Variants in SNCAIP observed in about 807,000 individuals in gnomAD.
The protein encoded by SNCAIP is synuclein alpha interacting protein.
In SNCAIP, 43 loss-of-function variants were observed where a neutral mutation model predicts 86.7. The ratio of observed to expected loss-of-function variants is 0.50; its 90% confidence interval spans 0.39 to 0.64. The LOEUF (loss-of-function observed/expected upper bound fraction) is 0.64, where lower values mean the gene tolerates loss of function less well. SNCAIP is among the 30% of genes least tolerant of loss of function. SNCAIP has a pLI of 0.00. For missense variants in SNCAIP, 981 were observed against 1,103.1 expected, an observed-to-expected ratio of 0.89 and a Z score of 1.57; for synonymous variants, 417 against 427.2, an observed-to-expected ratio of 0.98 and a Z score of 0.29.
chr5:122,407,666 G>A (rs1380128780), intron 3 of SNCAIP, among the ~76,000 whole-genome samples: 1 of 152,076 alleles, frequency 6.6e-6, no homozygotes, highest in Non-Finnish European at 1.5e-5. Context: ...TGGATAAAAG[G>A]TCTACAGCTA....
At chr5:122,396,374 G>T (rs1343687201) in intron 2 of SNCAIP, among the ~76,000 whole-genome samples, 1 of 152,122 alleles carries the variant, frequency 6.6e-6, no homozygotes, top group African/African-American at 2.4e-5. Flanking sequence ...TGCCAGAGAA[G>T]GTAGAGAATA....
chr5:122,425,714 T>C (rs2152930483), intron 5 of SNCAIP, among the ~76,000 whole-genome samples, 183 bp downstream of exon 5: 1 of 152,338 alleles, frequency 6.6e-6, no homozygotes, highest in East Asian at 1.9e-4. Flanking sequence ...TGAGACTTAA[T>C]TCCCAGTTTT....
chr5:122,408,283 G>A (rs767955142), intron 3 of SNCAIP, among the ~76,000 whole-genome samples: 40 of 152,126 alleles, frequency 2.6e-4, no homozygotes, highest in Admixed American at 1.2e-3. Flanking sequence ...AAGTAGGGCC[G>A]TCCATTCTGC....
intron 1 of SNCAIP, among the ~76,000 whole-genome samples, chr5:122,375,267 T>C (rs1255904364): frequency 6.6e-6 from 1 of 152,128 alleles, no homozygotes; most frequent in Admixed American, 6.6e-5. Flanking sequence ...AAAACCTTCA[T>C]AATAATTTGA....
At chr5:122,340,960 G>A (rs765056326) in intron 1 of SNCAIP, among the ~76,000 whole-genome samples, 2 of 152,116 alleles carry the variant, frequency 1.3e-5, no homozygotes, top group African/African-American at 4.8e-5. Flanking sequence ...CTTAAACAGG[G>A]GTTAGGCATT....
At chr5:122,403,950 C>G (rs1021899474) in intron 3 of SNCAIP, 85 bp downstream of exon 3, 3 of 989,692 alleles carry the variant, frequency 3.0e-6, no homozygotes, top group Admixed American at 1.8e-5. Context: ...CACTGGTCCC[C>G]CCTGCTTTCA....
chr5:122,364,373 C>A (rs1762762215), intron 1 of SNCAIP, among the ~76,000 whole-genome samples: 1 of 152,182 alleles, frequency 6.6e-6, no homozygotes, highest in Admixed American at 6.5e-5. Context: ...ACCCTGAATT[C>A]TTTCTTTTGC....
chr5:122,357,360 C>T (rs1488560038), intron 1 of SNCAIP, among the ~76,000 whole-genome samples: 7 of 152,068 alleles, frequency 4.6e-5, no homozygotes, highest in African/African-American at 9.6e-5. Flanking sequence ...CTCAGCCTCC[C>T]GAGTAGCTAG....
rs74790455 is a variant in SNCAIP at position 122,424,764 on chromosome 5, C to A, written c.1003-588C>A. On this transcript the variant is annotated intron_variant, in intron 4 of 10. Transcript: ENST00000261368. ...TCTTAGCTCACCCAACAATCTCTAT[C>A]AACGAGTTCATAGTCAAGGGACAAA... is the stretch of plus-strand genomic sequence containing the variant. Among the ~76,000 whole-genome samples, 948 of 152,262 alleles carry A rather than the reference C, an allele frequency of 6.2e-3. 10 individuals carry two copies. The highest frequency in any genetic ancestry group is 0.021 in the African/African-American group (883 of 41,522).
intron 3 of SNCAIP, among the ~76,000 whole-genome samples, chr5:122,406,130 A>G (rs1302398933): frequency 6.6e-6 from 1 of 152,190 alleles, no homozygotes; most frequent in African/African-American, 2.4e-5. Context: ...GTGTCTGCCC[A>G]CAGCATCACT....
Position 122,449,862 on chromosome 5 carries a change from T to A in SNCAIP, c.1610T>A (p.Val537Asp). The A allele has an allele frequency of 6.2e-7, 1 of 1,613,898 alleles. No homozygotes were observed. The highest frequency in any genetic ancestry group is 8.5e-7 in the Non-Finnish European group (1 of 1,179,808). Reference protein sequence around the residue: ...KQLKEQTVERVTLQNQLQQFL... With the variant: ...KQLKEQTVERDTLQNQLQQFL... ...TTCCCCAGACAAACAGTAGAACGTGTCACGCTGCAGAACCAACTCCAACAA... is the reference window on the plus strand; with the variant it reads ...TTCCCCAGACAAACAGTAGAACGTGACACGCTGCAGAACCAACTCCAACAA... The change falls in exon 9 of 11, where the codon GTC becomes GAC. Residue 537 changes from valine (V) to aspartate (D), a missense_variant. Physicochemically the swap from Val to Asp is radical, Grantham distance 152. Transcript: ENST00000261368.
chr5:122,390,736 C>T (rs1442515758), intron 1 of SNCAIP, among the ~76,000 whole-genome samples: 1 of 152,184 alleles, frequency 6.6e-6, no homozygotes, highest in African/African-American at 2.4e-5. Context: ...CCCCATTTCC[C>T]AAAGCCCTGC....
At chr5:122,389,077 T>C (rs1338242168) in intron 1 of SNCAIP, 6 of 152,260 alleles carry the variant, frequency 3.9e-5, no homozygotes, top group Admixed American at 3.9e-4. Flanking sequence ...TATTATCCGC[T>C]GGTTATATTC....
At chr5:122,349,769 A>G (rs541721086) in intron 1 of SNCAIP, among the ~76,000 whole-genome samples, 1 of 151,954 alleles carries the variant, frequency 6.6e-6, no homozygotes. Flanking sequence ...TGTGCATCCT[A>G]CTCTAGCCAC....
chr5:122,443,568 C>T (rs905852879), intron 7 of SNCAIP: 5 of 456,714 alleles, frequency 1.1e-5, no homozygotes, highest in African/African-American at 1.0e-4. Context: ...CCTTCCCACC[C>T]AGACTAGACT....
chr5:122,448,941 G>A (rs1018125287), intron 8 of SNCAIP, among the ~76,000 whole-genome samples: 9 of 150,332 alleles, frequency 6.0e-5, no homozygotes, highest in Non-Finnish European at 8.9e-5. Flanking sequence ...GCGTGAACCC[G>A]GGAGGCGGAG....
At position 122,430,844 on chromosome 5, in the gene SNCAIP, G is replaced by C. The variant is rs181816176; in HGVS notation, c.1183-1125G>C. 1.5e-3 allele frequency among the ~76,000 whole-genome samples: 226 copies of C among 151,770 alleles called. No individual in the cohort carries two copies. In the Middle Eastern group the frequency reaches 0.017, roughly 11 times the overall value. ...CTTGATCCTAAAGGTCAAGAGGGTT[G>C]GTTTCCTTAAAAATGTAAAAGTTGA... On this transcript the variant is annotated intron_variant, in intron 5 of 10. Coordinates refer to ENST00000261368, the MANE Select transcript of SNCAIP (RefSeq NM_005460.4).
intron 1 of SNCAIP, among the ~76,000 whole-genome samples, chr5:122,387,448 G>A (rs527269471): frequency 2.6e-4 from 40 of 152,282 alleles, no homozygotes; most frequent in Admixed American, 2.4e-3. Flanking sequence ...CACCATGCCC[G>A]ACCCTACATA....
At chr5:122,357,116 C>T (rs1056105467) in intron 1 of SNCAIP, among the ~76,000 whole-genome samples, 1 of 152,204 alleles carries the variant, frequency 6.6e-6, no homozygotes, top group African/African-American at 2.4e-5. Flanking sequence ...TCACTCCCAC[C>T]TTAATGCTTT....
Sources: allele counts gnomAD v4.1 joint callset (sites outside exome capture counted in the v4.1 genomes callset), GRCh38; gene constraint gnomAD v4.1.1; transcripts MANE v1.5; gene names NCBI Gene and HGNC (gene_info 2026-07-23, HGNC 2026-07-21).